REC8: variants seen among roughly 807,000 people sequenced by gnomAD.
The protein encoded by REC8 is meiotic recombination protein REC8 homolog.
A neutral mutation model predicts 78.3 loss-of-function variants in REC8; 42 were observed. The ratio of observed to expected loss-of-function variants is 0.54; its 90% CI spans 0.42 to 0.69. The LOEUF is 0.69. Among genes scored for constraint, REC8 ranks in the 30% least tolerant of loss-of-function variants. The pLI, the probability that REC8 is intolerant of heterozygous loss-of-function variation, is 0.00. For synonymous variants in REC8, 268 were observed against 274.1 expected (o/e 0.98, Z 0.22); for missense variants, 581 against 715.8 (o/e 0.81, Z 2.15).
In REC8 at chr14:24,172,767, T is replaced by C; in HGVS notation, c.111T>C (p.Asn37=). The change falls in exon 2 of 19, where the codon AAT becomes AAC. Residue 37 remains asparagine, a synonymous_variant. Transcript: ENST00000611366. The part of the protein sequence containing the change: ...RLVKREYLRV[N]VVKTCEEILN... Reference sequence around the variant, plus strand: ...TGAAGCGCGAATACCTGAGGGTGAATGTGGTGAAAACCTGGTAAGGCCCAG... The same window carrying C: ...TGAAGCGCGAATACCTGAGGGTGAACGTGGTGAAAACCTGGTAAGGCCCAG... 1 of 1,614,042 alleles carries C rather than the reference T, an allele frequency of 6.2e-7. No homozygotes were observed. Among genetic ancestry groups the C allele is most frequent in the South Asian group, 1.1e-5 (1 of 91,078 alleles).
rs367739958 is a variant in REC8, at chr14:24,172,941, G to C, written c.168G>C (p.Pro56=). The C allele has an allele frequency of 6.2e-7, 1 of 1,610,792 alleles. No homozygotes were observed. Among genetic ancestry groups the C allele is most frequent in the Middle Eastern group, 1.6e-4 (1 of 6,062 alleles). Residue 56 remains proline, a synonymous_variant, in exon 3 of 19, where the codon CCG becomes CCC. Coordinates refer to ENST00000611366, the MANE Select transcript of REC8 (RefSeq NM_001048205.2). The part of the protein sequence containing the change: ...LNYVLVRVQP[P]QPGLPRPRFS... ...ACGTGCTGGTACGAGTGCAACCCCC[G>C]CAGCCCGGCCTGCCGCGGCCCCGCT...
rs1343520805 is a variant in REC8, at chr14:24,180,066, C to T, written c.1615C>T (p.Leu539=). The T allele has an allele frequency of 6.2e-7, 1 of 1,614,040 alleles. No homozygotes were observed. Among genetic ancestry groups the T allele is most frequent in the East Asian group, 2.2e-5 (1 of 44,896 alleles). Residue 539 remains leucine (L), a synonymous_variant, in exon 19 of 19, where the codon CTG becomes TTG. Transcript: ENST00000611366. The stretch of plus-strand genomic sequence containing the variant: ...ACAAGAAAAGCCATATGGTCGCCTC[C>T]TGATCCAGCCGGGGCCCAGATTCCA... ...VKQEKPYGRL[L]IQPGPRFH
At chr14:24,179,983 C>G (rs2039092524) in intron 18 of REC8, 27 bp from the exon 19 acceptor site, 1 of 1,614,038 alleles carries the variant, frequency 6.2e-7, no homozygotes, top group African/African-American at 1.3e-5. Context: ...ACTCCCCCGA[C>G]CTGCCCTCTC....
chr14:24,176,921 G>C lies in REC8; in HGVS notation c.624+20G>C, dbSNP rs994739357. ...ATTGAGGTGAGTTCCCCTGCACACA[G>C]GGCCTGAGGTCCAGCCCCCTTGCAT... On this transcript the variant is annotated intron_variant, in intron 7 of 18. Coordinates refer to ENST00000611366, the MANE Select transcript of REC8 (RefSeq NM_001048205.2). 4 of 1,598,960 alleles carry C rather than the reference G, an allele frequency of 2.5e-6. No individual in the cohort carries two copies. Among genetic ancestry groups the C allele is most frequent in the African/African-American group, 2.7e-5 (2 of 74,550 alleles).
chr14:24,173,239 T>TGGCCTCAGCCTGGCTC, intron 4 of REC8, 41 bp downstream of exon 4: 22 of 1,613,924 alleles, frequency 1.4e-5, no homozygotes, highest in Non-Finnish European at 1.9e-5. Flanking sequence ...CCTGCTAGCT[T>TGGCCTCAGCCTGGCTC]GGCCTCAGCC....
rs758369049 is a variant in REC8, at chr14:24,177,452, C to G, written c.738-13C>G. 2 of 1,614,160 alleles carry G rather than the reference C, an allele frequency of 1.2e-6. No homozygotes were observed. Among genetic ancestry groups the G allele is most frequent in the Non-Finnish European group, 1.7e-6 (2 of 1,180,030 alleles). Reference sequence around the variant, plus strand: ...GAAGGGTCTCCTCATTTCTCTTGCCCATTTCCCCTCAGGGTGGAAGGAATA... The same window carrying G: ...GAAGGGTCTCCTCATTTCTCTTGCCGATTTCCCCTCAGGGTGGAAGGAATA... On this transcript the variant is annotated splice_polypyrimidine_tract_variant and intron_variant, in intron 9 of 18. Coordinates refer to ENST00000611366, the MANE Select transcript of REC8 (RefSeq NM_001048205.2).
At chr14:24,179,315 GCCATCTA>G in intron 15 of REC8, 75 bp from the exon 16 acceptor site, 1 of 1,458,652 alleles carries the variant, frequency 6.9e-7, no homozygotes, top group Non-Finnish European at 9.6e-7. Context: ...GCACGGCTCT[GCCATCTA>G]CTTACACCAG....
chr14:24,172,332 A>AG lies in REC8; in HGVS notation c.-217dup, dbSNP rs2038704269. 1.8e-6 allele frequency: 1 copy of AG among 565,912 alleles called. No homozygotes were observed. The allele number at this position is 565,912 out of a possible 1,614,324, so 35.1% of individuals were successfully genotyped here. A position where few individuals can be genotyped will look rare whatever the true frequency, so the allele number is the denominator to read the frequency against. ...GCGGATCCACTGAGGGTCCACAGAG[A>AG]GGGGCGCCCATCTCCTGCGTCTCAG... On this transcript the variant is annotated 5_prime_UTR_variant, in exon 1 of 19. Coordinates refer to ENST00000611366, the MANE Select transcript of REC8 (RefSeq NM_001048205.2).
In REC8 at chr14:24,177,697, G is replaced by T. The variant is rs752559576; in HGVS notation, c.815-12G>T. The stretch of plus-strand genomic sequence containing the variant: ...GGGCTTATGGGACAGAGCCCCTTGG[G>T]TGTTGTTGCAGAGGTGACCCCCCCG... On this transcript the variant is annotated splice_polypyrimidine_tract_variant and intron_variant, in intron 10 of 18. Coordinates refer to ENST00000611366, the MANE Select transcript of REC8 (RefSeq NM_001048205.2). 6.2e-7 allele frequency: 1 copy of T among 1,608,860 alleles called. No homozygotes were observed. Among genetic ancestry groups the T allele is most frequent in the Non-Finnish European group, 8.5e-7 (1 of 1,177,674 alleles).
rs756653339 is a variant in REC8 at position 24,179,377 on chromosome 14, C to G, written c.1253-20C>G. 1 of 1,613,504 alleles carries G rather than the reference C, an allele frequency of 6.2e-7. No homozygotes were observed. ...TGCCACCCAAGCAGACACCCACTAG[C>G]GCCTTTCCTCCCCCAACAGAGATCT... On this transcript the variant is annotated intron_variant, in intron 15 of 18. Transcript: ENST00000611366.
chr14:24,180,605 TC>T (rs1322216807), downstream of REC8: 11 of 1,611,592 alleles, frequency 6.8e-6, no homozygotes, highest in African/African-American at 1.3e-5. Flanking sequence ...AGGTCGGGGC[TC>T]CTAAAGCCTC....
At position 24,177,762 on chromosome 14, in the gene REC8, A is replaced by G; in HGVS notation, c.864+4A>G. 6.2e-7 allele frequency: 1 copy of G among 1,600,982 alleles called. No homozygotes were observed. The highest frequency in any genetic ancestry group is 8.5e-7 in the Non-Finnish European group (1 of 1,174,086). On this transcript the variant is annotated splice_donor_region_variant and intron_variant, in intron 11 of 18. Coordinates refer to ENST00000611366, the MANE Select transcript of REC8 (RefSeq NM_001048205.2). ...GCCAGCCCCACCCAGCCCAGAGGTG[A>G]GTAGCCTCCCTTCTAATCCTCCTCC...
rs560976348 is a variant in REC8, at chr14:24,174,581, ACCC to A, written c.463-960_463-958del. On this transcript the variant is annotated intron_variant, in intron 5 of 18. Transcript: ENST00000611366. ...GTGTGAACCACCGTGCCTGGCACAT[ACCC>A]CAGTTTAGAACTAGTCATCCCCAGA... 4.0e-4 allele frequency among the ~76,000 whole-genome samples: 61 copies of A among 152,118 alleles called. No homozygotes were observed. The South Asian group carries it at 0.011, about 27-fold the overall frequency.
At chr14:24,175,304 CCTT>C in intron 5 of REC8, 1 of 384,426 alleles carries the variant, frequency 2.6e-6, no homozygotes, top group Non-Finnish European at 4.8e-6. Context: ...CCGAGCCCGG[CCTT>C]CTTGCACAAA....
intron 7 of REC8, 93 bp downstream of exon 7, chr14:24,176,994 C>G (rs2038925191): frequency 1.5e-6 from 2 of 1,355,438 alleles, no homozygotes; most frequent in Non-Finnish European, 2.1e-6. Flanking sequence ...CTCCATTTCC[C>G]TATTCTCTGT....
intron 5 of REC8, among the ~76,000 whole-genome samples, chr14:24,175,100 A>G (rs914272023): frequency 4.7e-5 from 7 of 150,148 alleles, no homozygotes; most frequent in Admixed American, 4.0e-4. Flanking sequence ...TCTGCTTCCC[A>G]GGTTCAAGCA....
chr14:24,180,844 TCTTATCA>T (rs2039124631), downstream of REC8: 3 of 1,087,440 alleles, frequency 2.8e-6, no homozygotes, highest in African/African-American at 1.6e-5. Context: ...TGGCAGAATC[TCTTATCA>T]GGGGGGTGGT....
chr14:24,177,295 T>A, intron 8 of REC8, 58 bp from the exon 9 acceptor site: 3 of 1,613,730 alleles, frequency 1.9e-6, no homozygotes, highest in Non-Finnish European at 2.5e-6. Context: ...ATTCTGGGAC[T>A]GGGCAATGCT....
In REC8 at chr14:24,179,519, A is replaced by C; in HGVS notation, c.1319+56A>C. Reference sequence around the variant, plus strand: ...CCCACAGCCCTTGGCCAGGTGGTGGAAACAGCTGCTGGGATGGGTATGCCC... The same window carrying C: ...CCCACAGCCCTTGGCCAGGTGGTGGCAACAGCTGCTGGGATGGGTATGCCC... On this transcript the variant is annotated intron_variant, in intron 16 of 18. Transcript: ENST00000611366. 3 of 1,613,760 alleles carry C rather than the reference A, an allele frequency of 1.9e-6. No homozygotes were observed. The East Asian group carries it at 6.7e-5, about 36-fold the overall frequency.
Sources: gnomAD v4.1 joint callset for allele counts (sites outside exome capture counted in the v4.1 genomes callset) on GRCh38, gnomAD v4.1.1 for gene constraint, MANE v1.5 for transcripts, NCBI Gene and HGNC (gene_info 2026-07-23, HGNC 2026-07-21) for gene names.